Variants in ST3GAL3 observed in about 807,000 individuals in gnomAD.
ST3GAL3 encodes the protein ST3 beta-galactoside alpha-2,3-sialyltransferase 3.
ST3GAL3 carries 21 observed loss-of-function variants against 50.1 expected under a neutral mutation model. That is an observed-to-expected ratio of 0.42 (90% CI 0.30 to 0.60). The LOEUF (loss-of-function observed/expected upper bound fraction) is 0.60, where lower values mean the gene tolerates loss of function less well. ST3GAL3 is among the 20% of genes least tolerant of loss of function. The pLI, the probability that ST3GAL3 is intolerant of heterozygous loss-of-function variation, is 0.19. For missense variants in ST3GAL3, 353 were observed against 489.4 expected (o/e 0.72, Z 2.63); for synonymous variants, 183 against 190.0 (o/e 0.96, Z 0.30).
intron 2 of ST3GAL3, among the ~76,000 whole-genome samples, chr1:43,788,975 A>T (rs984187548): frequency 1.3e-5 from 2 of 151,778 alleles, no homozygotes; most frequent in African/African-American, 4.8e-5. Flanking sequence ...TGCAGAGAAG[A>T]CAATGTGTTC....
At chr1:43,735,640 TG>T (rs945388517) in intron 1 of ST3GAL3, among the ~76,000 whole-genome samples, 2 of 152,228 alleles carry the variant, frequency 1.3e-5, no homozygotes, top group African/African-American at 2.4e-5. Flanking sequence ...ACCTTGGTTT[TG>T]GCCTTGTGCG....
chr1:43,811,543 G>A (rs12728059), intron 3 of ST3GAL3, among the ~76,000 whole-genome samples: 4 of 152,154 alleles, frequency 2.6e-5, no homozygotes, highest in African/African-American at 4.8e-5. Context: ...TCTGTTGGCC[G>A]AGGGCCTGTC....
intron 5 of ST3GAL3, chr1:43,850,510 G>A: frequency 1.5e-6 from 1 of 649,608 alleles, no homozygotes. Flanking sequence ...TTTTCCAAAA[G>A]TCCAAGAGAT....
At chr1:43,801,265 C>G (rs2059283641) in intron 3 of ST3GAL3, 1 of 456,116 alleles carries the variant, frequency 2.2e-6, no homozygotes, top group Non-Finnish European at 4.4e-6. Context: ...ATTTAATAAG[C>G]ATCTTCTTTG....
intron 5 of ST3GAL3, 99 bp from the exon 6 acceptor site, chr1:43,894,284 C>A: frequency 1.7e-6 from 2 of 1,174,602 alleles, no homozygotes; most frequent in Non-Finnish European, 2.6e-6. Context: ...GCAGAGGGGG[C>A]TTCCAGCAGA....
chr1:43,859,126 A>G (rs1019806505), intron 5 of ST3GAL3, among the ~76,000 whole-genome samples: 1 of 152,218 alleles, frequency 6.6e-6, no homozygotes, highest in African/African-American at 2.4e-5. Context: ...GTATTGGGCC[A>G]CGTGGCCTCT....
At chr1:43,787,471 C>T (rs979636641) in intron 2 of ST3GAL3, among the ~76,000 whole-genome samples, 1 of 152,194 alleles carries the variant, frequency 6.6e-6, no homozygotes, top group Admixed American at 6.5e-5. Flanking sequence ...AAGCAAAATT[C>T]ATCAAAACAA....
In ST3GAL3 at chr1:43,766,580, C is replaced by A. The variant is rs79426809; in HGVS notation, c.119-25522C>A. ...TGTAAGCTTCAGTGAGAGCTGAGAG[C>A]GGCTTGTGAGGAATGGTGGGGGGCG... On this transcript the variant is annotated intron_variant, in intron 2 of 11. Coordinates refer to ENST00000347631, the MANE Select transcript of ST3GAL3 (RefSeq NM_006279.5). 4.2e-3 allele frequency among the ~76,000 whole-genome samples: 641 copies of A among 151,862 alleles called. 5 individuals are homozygous for A. The highest frequency in any genetic ancestry group is 0.015 in the African/African-American group (614 of 41,378).
At chr1:43,727,493 C>T (rs1362205923) in intron 1 of ST3GAL3, 1 of 152,070 alleles carries the variant, frequency 6.6e-6, no homozygotes, top group Non-Finnish European at 1.5e-5. Flanking sequence ...ATAAAAGATC[C>T]TTGACTGGGG....
chr1:43,821,906 A>C (rs2062150684), intron 4 of ST3GAL3, among the ~76,000 whole-genome samples: 1 of 152,252 alleles, frequency 6.6e-6, no homozygotes, highest in African/African-American at 2.4e-5. Flanking sequence ...AATATGTATC[A>C]GGCAATATTC....
chr1:43,897,598 A>G (rs1025028227), intron 6 of ST3GAL3, among the ~76,000 whole-genome samples: 3 of 152,188 alleles, frequency 2.0e-5, no homozygotes, highest in Non-Finnish European at 4.4e-5. Context: ...CTGAGAGCAC[A>G]GAAGTCATGG....
chr1:43,836,074 C>T, intron 4 of ST3GAL3, among the ~76,000 whole-genome samples: 1 of 152,150 alleles, frequency 6.6e-6, no homozygotes, highest in East Asian at 1.9e-4. Context: ...TTAGTCTCTT[C>T]ATCTTTCTAG....
At chr1:43,894,758 T>A (rs1283903360) in intron 6 of ST3GAL3, among the ~76,000 whole-genome samples, 1 of 151,848 alleles carries the variant, frequency 6.6e-6, no homozygotes, top group African/African-American at 2.4e-5. Flanking sequence ...GCCTCCTGAG[T>A]AGCTGGGACC....
intron 4 of ST3GAL3, among the ~76,000 whole-genome samples, chr1:43,826,094 C>T (rs569857967): frequency 2.7e-4 from 41 of 150,966 alleles, no homozygotes; most frequent in African/African-American, 6.8e-4. Flanking sequence ...AGGGAGACCT[C>T]GTCTCTTCAA....
At chr1:43,786,610 C>T (rs78293414) in intron 2 of ST3GAL3, among the ~76,000 whole-genome samples, 1 of 152,282 alleles carries the variant, frequency 6.6e-6, no homozygotes, top group Non-Finnish European at 1.5e-5. Flanking sequence ...TAATATTCTT[C>T]GTACTGCTTA....
At chr1:43,923,263 CAAAAAAAAAA>C (rs35151641) in intron 11 of ST3GAL3, among the ~76,000 whole-genome samples, 1 of 120,334 alleles carries the variant, frequency 8.3e-6, no homozygotes, top group East Asian at 2.4e-4. Context: ...GACCCTGTCT[CAAAAAAAAAA>C]AAAAAAAAGC....
intron 1 of ST3GAL3, among the ~76,000 whole-genome samples, chr1:43,729,955 T>C (rs1477722917): frequency 6.6e-6 from 1 of 152,196 alleles, no homozygotes; most frequent in Non-Finnish European, 1.5e-5. Context: ...TGAAAGCCTG[T>C]TTTTACCCCA....
At chr1:43,760,292 A>C (rs1475151775) in intron 2 of ST3GAL3, among the ~76,000 whole-genome samples, 2 of 152,372 alleles carry the variant, frequency 1.3e-5, no homozygotes, top group South Asian at 2.1e-4. Context: ...CATAAGCCTG[A>C]CATCTCAATA....
intron 3 of ST3GAL3, among the ~76,000 whole-genome samples, chr1:43,796,961 A>G (rs967425164): frequency 6.6e-6 from 1 of 152,246 alleles, no homozygotes; most frequent in Non-Finnish European, 1.5e-5. Context: ...AGGCAGAAGG[A>G]TCACTTGAGA....
Sources: gnomAD v4.1 joint callset for allele counts (sites outside exome capture counted in the v4.1 genomes callset) on GRCh38, gnomAD v4.1.1 for gene constraint, MANE v1.5 for transcripts, NCBI Gene and HGNC (gene_info 2026-07-23, HGNC 2026-07-21) for gene names.